RNF220: variants seen among roughly 807,000 people sequenced by gnomAD.
RNF220 encodes the protein E3 ubiquitin-protein ligase RNF220.
Under a neutral mutation model 67.1 loss-of-function variants are expected in RNF220, and 7 were observed. The observed-to-expected ratio is 0.10, with a 90% CI of 0.06 to 0.20. The LOEUF is 0.20. Ranked by LOEUF, RNF220 falls within the 10% of genes least tolerant of loss-of-function variation. The pLI is 1.00. For missense variants in RNF220, 565 were observed against 740.3 expected, an observed-to-expected ratio of 0.76 and a Z score of 2.75; for synonymous variants, 270 against 283.2, an observed-to-expected ratio of 0.95 and a Z score of 0.47.
chr1:44,575,200 T>A (rs1021060239), intron 2 of RNF220, among the ~76,000 whole-genome samples: 19 of 152,200 alleles, frequency 1.2e-4, no homozygotes, highest in African/African-American at 4.6e-4. Flanking sequence ...CAGCCTCTGG[T>A]AACTATCACT....
chr1:44,468,088 C>T (rs1049135594), intron 2 of RNF220, among the ~76,000 whole-genome samples: 66 of 140,452 alleles, frequency 4.7e-4, no homozygotes, highest in African/African-American at 1.6e-3. Context: ...CATCAAAGAT[C>T]AAGAATTACC....
intron 2 of RNF220, among the ~76,000 whole-genome samples, chr1:44,587,862 CAGATGCGTGCGTG>C (rs1397101390): frequency 6.6e-6 from 1 of 152,198 alleles, no homozygotes; most frequent in Non-Finnish European, 1.5e-5. Context: ...CTCCCATTAC[CAGATGCGTGCGTG>C]AGATAGCTCC....
chr1:44,632,540 G>C, intron 6 of RNF220, 155 bp downstream of exon 6: 1 of 722,016 alleles, frequency 1.4e-6, no homozygotes, highest in African/African-American at 1.7e-5. Flanking sequence ...AACCAAAGCT[G>C]CCGCTCTCAG....
At chr1:44,608,757 G>A (rs1330611131) in intron 2 of RNF220, among the ~76,000 whole-genome samples, 2 of 152,230 alleles carry the variant, frequency 1.3e-5, no homozygotes, top group East Asian at 1.9e-4. Flanking sequence ...TGATGGATAG[G>A]AAGAAGGAAC....
At chr1:44,535,135 CT>C (rs903715852) in intron 2 of RNF220, among the ~76,000 whole-genome samples, 2,072 of 102,980 alleles carry the variant, frequency 0.02, 34 homozygotes, top group African/African-American at 0.077. Context: ...GCAGCTTCTT[CT>C]TTTTTTTTTT....
intron 2 of RNF220, among the ~76,000 whole-genome samples, chr1:44,571,892 T>A (rs59485926): frequency 0.031 from 4,746 of 152,310 alleles, 210 homozygotes; most frequent in East Asian, 0.16. Flanking sequence ...CCCCTCTTCC[T>A]TTCTCAGACC....
At chr1:44,426,372 A>G (rs1258014682) in intron 2 of RNF220, among the ~76,000 whole-genome samples, 1 of 152,238 alleles carries the variant, frequency 6.6e-6, no homozygotes, top group Non-Finnish European at 1.5e-5. Context: ...CCTGCCCCTT[A>G]GGCAAGATCT....
intron 2 of RNF220, among the ~76,000 whole-genome samples, chr1:44,523,872 C>A (rs963184123): frequency 2.6e-5 from 4 of 152,192 alleles, no homozygotes; most frequent in Non-Finnish European, 4.4e-5. Flanking sequence ...TGCAGACAAA[C>A]CTGCTCGCCA....
chr1:44,596,616 C>A (rs935793125), intron 2 of RNF220, among the ~76,000 whole-genome samples: 1 of 152,168 alleles, frequency 6.6e-6, no homozygotes, highest in Non-Finnish European at 1.5e-5. Flanking sequence ...ATTAGTGTTA[C>A]CACTTCCCTC....
chr1:44,528,883 G>C (rs2148184104), intron 2 of RNF220, among the ~76,000 whole-genome samples: 2 of 152,230 alleles, frequency 1.3e-5, no homozygotes, highest in Middle Eastern at 6.8e-3. Context: ...CAAAGTGCTG[G>C]GATTACAGGC....
At chr1:44,430,788 G>A (rs1301834305) in intron 2 of RNF220, among the ~76,000 whole-genome samples, 2 of 152,104 alleles carry the variant, frequency 1.3e-5, no homozygotes, top group African/African-American at 2.4e-5. Context: ...GTCGTGATCC[G>A]CCCACCTTGG....
At chr1:44,496,181 G>A (rs1657332046) in intron 2 of RNF220, among the ~76,000 whole-genome samples, 1 of 152,182 alleles carries the variant, frequency 6.6e-6, no homozygotes, top group Non-Finnish European at 1.5e-5. Flanking sequence ...ATCCTCCAAG[G>A]TGGAAGGACA....
At chr1:44,450,016 A>T (rs2147926142) in intron 2 of RNF220, among the ~76,000 whole-genome samples, 1 of 152,298 alleles carries the variant, frequency 6.6e-6, no homozygotes, top group African/African-American at 2.4e-5. Flanking sequence ...GTTCGAGACC[A>T]GCCTGACCAA....
rs1455570157 is a variant in RNF220, at chr1:44,649,678, C to T, written c.1463C>T (p.Ala488Val). 1 of 1,614,012 alleles carries T rather than the reference C, an allele frequency of 6.2e-7. No individual in the cohort carries two copies. The highest frequency in any genetic ancestry group is 8.5e-7 in the Non-Finnish European group (1 of 1,179,924). Residue 488 changes from alanine (A) to valine (V), a missense_variant, in exon 13 of 15, where the codon GCT (alanine) becomes GTT (valine). By Grantham distance (64) the Ala-to-Val change is moderately conservative. Coordinates refer to ENST00000361799, the MANE Select transcript of RNF220 (RefSeq NM_018150.4). The surrounding 1 kb of genome is among the most constrained non-coding windows in gnomAD (Gnocchi z 5.9). ...SDIEKITEDSAVTTFEALKAR... is the reference protein window; with the variant it reads ...SDIEKITEDSVVTTFEALKAR... ...TTTTACAGAATCACCGAAGATTCAG[C>T]TGTGACCACGTTTGAGGCTCTGAAG...
chr1:44,461,587 A>G (rs772597021), intron 2 of RNF220, among the ~76,000 whole-genome samples: 15 of 152,140 alleles, frequency 9.9e-5, no homozygotes, highest in Non-Finnish European at 1.6e-4. Flanking sequence ...TCTTCTGTGT[A>G]GAGTTAACTT....
intron 2 of RNF220, among the ~76,000 whole-genome samples, chr1:44,610,357 C>G (rs891297412): frequency 6.6e-6 from 1 of 152,222 alleles, no homozygotes; most frequent in South Asian, 2.1e-4. Context: ...CATCCTCTGC[C>G]GATAACACTG....
At chr1:44,502,733 C>T (rs1658037146) in intron 2 of RNF220, among the ~76,000 whole-genome samples, 1 of 151,558 alleles carries the variant, frequency 6.6e-6, no homozygotes, top group African/African-American at 2.4e-5. Flanking sequence ...GCGAATACTA[C>T]AGAAAAACGT....
At chr1:44,527,519 A>T (rs1308971522) in intron 2 of RNF220, among the ~76,000 whole-genome samples, 1 of 152,188 alleles carries the variant, frequency 6.6e-6, no homozygotes, top group Non-Finnish European at 1.5e-5. Context: ...GCCACTCGAG[A>T]TGCGGAGATG....
At chr1:44,508,074 G>T (rs562637721) in intron 2 of RNF220, among the ~76,000 whole-genome samples, 1 of 152,010 alleles carries the variant, frequency 6.6e-6, no homozygotes, top group Non-Finnish European at 1.5e-5. Flanking sequence ...CTCTTGTTTG[G>T]GGGTGGGCGT....
Sources: allele counts gnomAD v4.1 joint callset (sites outside exome capture counted in the v4.1 genomes callset), GRCh38; gene constraint gnomAD v4.1.1; non-coding constraint Gnocchi (gnomAD v3.1); transcripts MANE v1.5; gene names NCBI Gene and HGNC (gene_info 2026-07-23, HGNC 2026-07-21).